SH2D4B: variants seen among roughly 807,000 people sequenced by gnomAD.
The protein encoded by SH2D4B is SH2 domain-containing protein 4B.
In SH2D4B, 45 loss-of-function variants were observed where a neutral mutation model predicts 61.5. The observed-to-expected ratio is 0.73, with a 90% confidence interval of 0.58 to 0.94. The LOEUF is 0.94. Among genes scored for constraint, SH2D4B ranks in the 40% least tolerant of loss-of-function variants. SH2D4B has a pLI of 0.00. For synonymous variants in SH2D4B, 224 were observed against 220.4 expected (o/e 1.02, Z -0.14); for missense variants, 572 against 574.2 (o/e 1.00, Z 0.04).
intron 4 of SH2D4B, among the ~76,000 whole-genome samples, chr10:80,599,230 T>A (rs12242845): frequency 1.3e-5 from 2 of 152,018 alleles, no homozygotes; most frequent in African/African-American, 4.8e-5. Context: ...GAGTCTGGGC[T>A]GGGAGTGGAG....
At chr10:80,573,146 G>C (rs958345814) in intron 3 of SH2D4B, among the ~76,000 whole-genome samples, 19 of 147,274 alleles carry the variant, frequency 1.3e-4, no homozygotes, top group Non-Finnish European at 4.5e-5. Flanking sequence ...CACCGCGCCC[G>C]GCTAATTTTT....
intron 1 of SH2D4B, among the ~76,000 whole-genome samples, chr10:80,565,968 A>G (rs937690258): frequency 2.3e-4 from 35 of 151,884 alleles, no homozygotes; most frequent in Admixed American, 2.0e-3. Flanking sequence ...TTGGGCGCCT[A>G]TAATCCCAGC....
At chr10:80,558,852 C>G (rs543375110) in intron 1 of SH2D4B, among the ~76,000 whole-genome samples, 1 of 152,260 alleles carries the variant, frequency 6.6e-6, no homozygotes, top group South Asian at 2.1e-4. Flanking sequence ...TTAGTATGTT[C>G]ATAGATATGT....
chr10:80,633,875 C>T (rs919878551), intron 6 of SH2D4B, among the ~76,000 whole-genome samples: 2 of 152,226 alleles, frequency 1.3e-5, no homozygotes, highest in Non-Finnish European at 2.9e-5. Context: ...TAGTCATCAG[C>T]AGCCATTCTG....
chr10:80,630,153 C>T (rs1338137741), intron 6 of SH2D4B, among the ~76,000 whole-genome samples: 1 of 152,182 alleles, frequency 6.6e-6, no homozygotes, highest in East Asian at 1.9e-4. Context: ...TGGAGTACAG[C>T]TCAGAGAAAA....
rs1193089156 is a variant in SH2D4B at position 80,571,555 on chromosome 10, G to C, written c.472G>C (p.Glu158Gln). Reference protein sequence around the residue: ...EDRKAAKVLEERIHEEFKRKE... With the variant: ...EDRKAAKVLEQRIHEEFKRKE... ...CCGCAAGGCTGCCAAAGTCCTGGAG[G>C]AACGCATCCACGAGGAATTCAAGGT... Residue 158 changes from glutamate to glutamine, a missense_variant, in exon 3 of 8, where the codon GAA (glutamate) becomes CAA (glutamine). Transcript: ENST00000646907. The C allele has an allele frequency of 4.3e-6, 7 of 1,613,966 alleles. No homozygotes were observed. The highest frequency in any genetic ancestry group is 5.1e-6 in the Non-Finnish European group (6 of 1,179,976).
chr10:80,572,970 ATATATATATATATATATTTTTT>A (rs1211884973), intron 3 of SH2D4B, among the ~76,000 whole-genome samples: 1 of 9,084 alleles, frequency 1.1e-4, no homozygotes, highest in East Asian at 5.0e-3. Flanking sequence ...ATATATATAT[ATATATATATATATATATTTTTT>A]TTTTTTTTTT....
chr10:80,589,843 C>T (rs1222362519), intron 4 of SH2D4B, among the ~76,000 whole-genome samples: 1 of 152,138 alleles, frequency 6.6e-6, no homozygotes, highest in Non-Finnish European at 1.5e-5. Flanking sequence ...GACAAAGGAA[C>T]ACGGAATGCC....
At chr10:80,579,627 C>T (rs951017618) in intron 3 of SH2D4B, among the ~76,000 whole-genome samples, 8 of 152,022 alleles carry the variant, frequency 5.3e-5, no homozygotes, top group South Asian at 2.1e-4. Context: ...TTACTCTTAA[C>T]GAACAGACAT....
At chr10:80,632,303 A>T (rs1842841885) in intron 6 of SH2D4B, among the ~76,000 whole-genome samples, 1 of 152,320 alleles carries the variant, frequency 6.6e-6, no homozygotes, top group African/African-American at 2.4e-5. Context: ...TATGTGAGGT[A>T]AAGCGTATGT....
intron 1 of SH2D4B, among the ~76,000 whole-genome samples, chr10:80,566,086 G>T (rs1306146165): frequency 1.4e-5 from 1 of 69,970 alleles, no homozygotes; most frequent in Non-Finnish European, 2.4e-5. Flanking sequence ...GCGAGACTCC[G>T]GCTCAAAAAA....
At chr10:80,588,081 CAG>C (rs374585308) in intron 3 of SH2D4B, among the ~76,000 whole-genome samples, 14 of 152,272 alleles carry the variant, frequency 9.2e-5, no homozygotes, top group African/African-American at 3.4e-4. Context: ...GCTTGCGGCA[CAG>C]AAAGTCAATC....
chr10:80,588,854 A>C, intron 4 of SH2D4B, 77 bp downstream of exon 4: 2 of 1,554,026 alleles, frequency 1.3e-6, no homozygotes, highest in Non-Finnish European at 8.8e-7. Flanking sequence ...TGATGTACTC[A>C]TTCGTCATTT....
At chr10:80,630,311 G>C (rs1234860184) in intron 6 of SH2D4B, among the ~76,000 whole-genome samples, 1 of 152,216 alleles carries the variant, frequency 6.6e-6, no homozygotes, top group African/African-American at 2.4e-5. Flanking sequence ...GGAGGATCCT[G>C]AAGGGCATGA....
chr10:80,565,872 C>CGAGGTCAGGAGGATCAT (rs1841960110), intron 1 of SH2D4B, among the ~76,000 whole-genome samples: 1 of 151,814 alleles, frequency 6.6e-6, no homozygotes, highest in Non-Finnish European at 1.5e-5. Flanking sequence ...GGGCGGATCA[C>CGAGGTCAGGAGGATCAT]GAGGTCAGGA....
At chr10:80,634,045 G>C (rs575260843) in intron 6 of SH2D4B, among the ~76,000 whole-genome samples, 8 of 152,206 alleles carry the variant, frequency 5.3e-5, no homozygotes, top group Admixed American at 2.6e-4. Flanking sequence ...CTCAACTCAC[G>C]TCCTAGTAGA....
rs768555525 is a variant in SH2D4B at position 80,538,471 on chromosome 10, C to T, written c.140C>T (p.Ala47Val). The T allele has an allele frequency of 1.4e-6, 2 of 1,465,232 alleles. No homozygotes were observed. The highest frequency in any genetic ancestry group is 1.4e-5 in the South Asian group (1 of 69,288). The allele number at this position is 1,465,232 out of a possible 1,614,324, so 90.8% of individuals were successfully genotyped here. A position where few individuals can be genotyped will look rare whatever the true frequency, so the allele number is the denominator to read the frequency against. ...RRWKERETWE[A>V]LAQDEGLRPP... ...TGGAAGGAGCGGGAGACTTGGGAGG[C>T]CCTGGCCCAGGACGAGGGTCTCAGG... is the stretch of plus-strand genomic sequence containing the variant. The change falls in exon 1 of 8, where the codon GCC becomes GTC. Residue 47 changes from alanine to valine, a missense_variant. Ala to Val is a moderately conservative substitution (Grantham distance 64, BLOSUM62 0). Transcript: ENST00000646907. This position sits in a 1 kb window ranked among gnomAD's most constrained non-coding sequence, Gnocchi z 4.8.
chr10:80,557,798 T>A (rs1050842578), intron 1 of SH2D4B, among the ~76,000 whole-genome samples: 1 of 152,134 alleles, frequency 6.6e-6, no homozygotes, highest in Non-Finnish European at 1.5e-5. Flanking sequence ...TCGTTTGTTT[T>A]ATTGTGGTTT....
Position 80,547,471 on chromosome 10 carries a change from A to T in SH2D4B, c.184+8956A>T, listed in dbSNP as rs149578031. 2.6e-5 allele frequency among the ~76,000 whole-genome samples: 4 copies of T among 152,124 alleles called. No individual in the cohort carries two copies. The East Asian group carries it at 7.7e-4, about 29-fold the overall frequency. ...GAACACTGGGAAGTCAGGGGAGCAG[A>T]TGCCCCAGATATCTGGACCATAGCT... On this transcript the variant is annotated intron_variant, in intron 1 of 7. Transcript: ENST00000646907.
Sources: allele counts gnomAD v4.1 joint callset (sites outside exome capture counted in the v4.1 genomes callset), GRCh38; gene constraint gnomAD v4.1.1; non-coding constraint Gnocchi (gnomAD v3.1); transcripts MANE v1.5; gene names NCBI Gene and HGNC (gene_info 2026-07-23, HGNC 2026-07-21).